ADCY8: variants seen among roughly 807,000 people sequenced by gnomAD.
The protein encoded by ADCY8 is adenylate cyclase type 8.
A neutral mutation model predicts 119.7 loss-of-function variants in ADCY8; 51 were observed. The observed-to-expected ratio is 0.43, with a 90% CI of 0.34 to 0.54. The LOEUF (loss-of-function observed/expected upper bound fraction) is 0.54, where lower values mean the gene tolerates loss of function less well. ADCY8 is among the 20% of genes least tolerant of loss of function. The pLI is 0.03. For missense variants in ADCY8, 1,383 were observed against 1,598.8 expected, an observed-to-expected ratio of 0.87 and a Z score of 2.30; for synonymous variants, 665 against 651.0, an observed-to-expected ratio of 1.02 and a Z score of -0.33.
intron 2 of ADCY8, among the ~76,000 whole-genome samples, chr8:130,984,608 G>C (rs1822341445): frequency 1.3e-5 from 2 of 152,176 alleles, no homozygotes; most frequent in South Asian, 4.2e-4. Flanking sequence ...GTTAGTAACT[G>C]GTTAACATCA....
intron 4 of ADCY8, among the ~76,000 whole-genome samples, chr8:130,942,997 C>T (rs535118175): frequency 7.9e-5 from 12 of 152,184 alleles, no homozygotes; most frequent in Non-Finnish European, 1.8e-4. Context: ...TGGGAAACTG[C>T]AGGCCATCAT....
chr8:130,909,663 C>A, intron 6 of ADCY8, 45 bp downstream of exon 6: 1 of 1,608,540 alleles, frequency 6.2e-7, no homozygotes, highest in South Asian at 1.1e-5. Context: ...ACAAAATAAG[C>A]CAATGACAAC....
intron 11 of ADCY8, among the ~76,000 whole-genome samples, chr8:130,842,644 A>C (rs56817730): frequency 0.02 from 3,008 of 152,160 alleles, 105 homozygotes; most frequent in African/African-American, 0.069. Context: ...AGGCCCAGGC[A>C]GGTGGGTCAC....
At position 130,891,910 on chromosome 8, in the gene ADCY8, A is replaced by T. The variant is rs199620603; in HGVS notation, c.1912-7149T>A. On this transcript the variant is annotated intron_variant, in intron 7 of 17. Transcript: ENST00000286355. Reference sequence around the variant, plus strand: ...ACTTTTCTTGTCTATACTAAGAGAAAATGAAACAGTACAGCCAAATGATCT... The same window carrying T: ...ACTTTTCTTGTCTATACTAAGAGAATATGAAACAGTACAGCCAAATGATCT... 3.9e-5 allele frequency among the ~76,000 whole-genome samples: 6 copies of T among 152,306 alleles called. No homozygotes were observed. In the East Asian group the frequency reaches 1.2e-3, roughly 29 times the overall value.
At chr8:130,992,758 C>T (rs561365659) in intron 1 of ADCY8, among the ~76,000 whole-genome samples, 4 of 152,030 alleles carry the variant, frequency 2.6e-5, no homozygotes, top group East Asian at 3.9e-4. Flanking sequence ...TTTAGTAGTT[C>T]GTGTGACAAC....
chr8:130,963,702 A>G (rs990540983), intron 2 of ADCY8, among the ~76,000 whole-genome samples: 1 of 152,098 alleles, frequency 6.6e-6, no homozygotes, highest in Non-Finnish European at 1.5e-5. Flanking sequence ...GAGCAGGCCC[A>G]TGCTAGAGAT....
At position 131,040,455 on chromosome 8, in the gene ADCY8, C is replaced by T. The variant is rs1824355838; in HGVS notation, c.-122G>A. 8.0e-7 allele frequency: 1 copy of T among 1,251,274 alleles called. No individual in the cohort carries two copies. Among genetic ancestry groups the T allele is most frequent in the Non-Finnish European group, 1.0e-6 (1 of 969,278 alleles). 77.5% of individuals were successfully genotyped at this position (1,251,274 alleles called of 1,614,324 possible). ...AGGATCCTTTTTATCCTAGGCTGCC[C>T]CGTTGCAGGAGCCCTGCGCTAGGGC... On this transcript the variant is annotated 5_prime_UTR_variant, in exon 1 of 18. Coordinates refer to ENST00000286355, the MANE Select transcript of ADCY8 (RefSeq NM_001115.3).
At chr8:130,915,607 G>A (rs1820102931) in intron 5 of ADCY8, among the ~76,000 whole-genome samples, 1 of 152,154 alleles carries the variant, frequency 6.6e-6, no homozygotes, top group Non-Finnish European at 1.5e-5. Flanking sequence ...CTCTGTAGAG[G>A]TGTTAGGGTG....
At chr8:131,013,464 C>T (rs886729389) in intron 1 of ADCY8, among the ~76,000 whole-genome samples, 5 of 152,110 alleles carry the variant, frequency 3.3e-5, no homozygotes, top group South Asian at 2.1e-4. Context: ...TGGTAAAAAC[C>T]GATATAGAGT....
rs777141635 is a variant in ADCY8 at position 130,951,928 on chromosome 8, T to C, written c.1181A>G (p.Glu394Gly). 5 of 1,614,136 alleles carry C rather than the reference T, an allele frequency of 3.1e-6. No homozygotes were observed. The highest frequency in any genetic ancestry group is 4.2e-6 in the Non-Finnish European group (5 of 1,180,012). The change falls in exon 3 of 18, where the codon GAA (glutamate) becomes GGA (glycine). Residue 394 changes from glutamate (E) to glycine (G), a missense_variant. Physicochemically the swap from Glu to Gly is moderately conservative, Grantham distance 98. Around this residue, in one of 2 missense-constraint regions of ADCY8, gnomAD observed 928 missense variants for 1,163.5 expected, o/e 0.80. Coordinates refer to ENST00000286355, the MANE Select transcript of ADCY8 (RefSeq NM_001115.3). ...LEMINDMTNV[E>G]DEHLQHQFHR... is the part of the protein sequence containing the mutation. ...GAACTGGTGCTGCAGGTGCTCATCT[T>C]CCACATTGGTCATGTCGTTGATCAT...
At chr8:130,855,421 C>T (rs1191791547) in intron 9 of ADCY8, among the ~76,000 whole-genome samples, 1 of 152,048 alleles carries the variant, frequency 6.6e-6, no homozygotes, top group African/African-American at 2.4e-5. Flanking sequence ...TTTTTCTCCT[C>T]GCTAGGTAAG....
intron 2 of ADCY8, among the ~76,000 whole-genome samples, chr8:130,965,826 T>C (rs1238685660): frequency 6.6e-6 from 1 of 152,180 alleles, no homozygotes; most frequent in Non-Finnish European, 1.5e-5. Context: ...TAATTCTTCA[T>C]TTTAGTTTGC....
chr8:130,843,516 C>A (rs1817208576), intron 11 of ADCY8, among the ~76,000 whole-genome samples: 1 of 152,200 alleles, frequency 6.6e-6, no homozygotes, highest in South Asian at 2.1e-4. Flanking sequence ...TCTAAAAATT[C>A]TCTTAAAGCA....
At chr8:130,985,932 G>GC (rs1435203389) in intron 2 of ADCY8, among the ~76,000 whole-genome samples, 2 of 152,086 alleles carry the variant, frequency 1.3e-5, no homozygotes, top group Non-Finnish European at 2.9e-5. Context: ...TTATTCCAGT[G>GC]CCCCCAGAGC....
intron 2 of ADCY8, among the ~76,000 whole-genome samples, chr8:130,971,021 A>G (rs1211964147): frequency 6.6e-6 from 1 of 152,222 alleles, no homozygotes; most frequent in Non-Finnish European, 1.5e-5. Flanking sequence ...AAAGGATTCA[A>G]TAACATTAGG....
At chr8:131,020,941 G>C (rs1239295102) in intron 1 of ADCY8, among the ~76,000 whole-genome samples, 2 of 152,084 alleles carry the variant, frequency 1.3e-5, no homozygotes, top group Admixed American at 1.3e-4. Flanking sequence ...TCTGATCTAG[G>C]TCTTTCTGTT....
chr8:131,003,257 T>G (rs931994688), intron 1 of ADCY8, among the ~76,000 whole-genome samples: 1 of 141,934 alleles, frequency 7.0e-6, no homozygotes, highest in Non-Finnish European at 1.5e-5. Context: ...AAGGAAGAAG[T>G]AAAAATGTTA....
Position 130,943,473 on chromosome 8 carries a change from G to A in ADCY8, c.1242-11C>T. Reference sequence around the variant, plus strand: ...TCTGCAAAAAGAATACTAAACACAGGGAAGAGGGTGGGGGTGGGGGGAGGA... The same window carrying A: ...TCTGCAAAAAGAATACTAAACACAGAGAAGAGGGTGGGGGTGGGGGGAGGA... On this transcript the variant is annotated splice_polypyrimidine_tract_variant and intron_variant, in intron 3 of 17. Transcript: ENST00000286355. The A allele has an allele frequency of 9.7e-7, 1 of 1,027,060 alleles. No homozygotes were observed. Among genetic ancestry groups the A allele is most frequent in the Non-Finnish European group, 1.5e-6 (1 of 678,616 alleles). The allele number at this position is 1,027,060 out of a possible 1,614,324, so 63.6% of individuals were successfully genotyped here.
intron 1 of ADCY8, among the ~76,000 whole-genome samples, chr8:131,027,383 C>G (rs1272039895): frequency 2.6e-5 from 4 of 152,136 alleles, no homozygotes; most frequent in Non-Finnish European, 4.4e-5. Flanking sequence ...ATGAAGAAAA[C>G]TGGTGATGAG....
Sources: gnomAD v4.1 joint callset for allele counts (sites outside exome capture counted in the v4.1 genomes callset) on GRCh38, gnomAD v4.1.1 for gene constraint, gnomAD v4.1.1 regional missense constraint, MANE v1.5 for transcripts, NCBI Gene and HGNC (gene_info 2026-07-23, HGNC 2026-07-21) for gene names.